The following CYFIP1 variants were observed in gnomAD, a reference collection of about 807,000 sequenced individuals.
CYFIP1 encodes cytoplasmic FMR1-interacting protein 1.
Under a neutral mutation model 163.5 loss-of-function variants are expected in CYFIP1, and 58 were observed. The ratio of observed to expected loss-of-function variants is 0.35; its 90% CI spans 0.29 to 0.44. CYFIP1 has a LOEUF of 0.44. Among genes scored for constraint, CYFIP1 ranks in the 20% least tolerant of loss-of-function variants. The probability of loss-of-function intolerance (pLI) is 1.00; values close to 1 mark genes in which losing one functional copy is unlikely to be tolerated. For synonymous variants in CYFIP1, 663 were observed against 660.7 expected (o/e 1.00, Z -0.05); for missense variants, 1,338 against 1,653.8 (o/e 0.81, Z 3.31).
chr15:22,889,637 C>G (rs1037435732), intron 23 of CYFIP1, among the ~76,000 whole-genome samples: 1 of 152,188 alleles, frequency 6.6e-6, no homozygotes, highest in Non-Finnish European at 1.5e-5. Context: ...GCCTACCCCC[C>G]GCCTGCCTCC....
intron 25 of CYFIP1, among the ~76,000 whole-genome samples, chr15:22,881,280 CAGG>C (rs2059753716): frequency 6.6e-6 from 1 of 152,216 alleles, no homozygotes; most frequent in South Asian, 2.1e-4. Context: ...AAAACTCGGC[CAGG>C]TAAGAGACTA....
At chr15:22,966,879 T>C (rs1466666175) in intron 1 of CYFIP1, among the ~76,000 whole-genome samples, 1 of 152,096 alleles carries the variant, frequency 6.6e-6, no homozygotes, top group African/African-American at 2.4e-5. Context: ...TAGCATCTGG[T>C]GCACACACTG....
chr15:22,912,230 G>A lies in CYFIP1; in HGVS notation c.2031C>T (p.Tyr677=), dbSNP rs374807488. 65 of 1,614,024 alleles carry A rather than the reference G, an allele frequency of 4.0e-5. 2 individuals are homozygous for A. The African/African-American group carries it at 4.9e-4, about 12-fold the overall frequency. The change falls in exon 18 of 31, where the codon TAC becomes TAT. Residue 677 remains tyrosine, a synonymous_variant. Coordinates refer to ENST00000617928, the MANE Select transcript of CYFIP1 (RefSeq NM_014608.6). The part of the protein sequence containing the change: ...SLDLYNDSAH[Y]ALTRFNKQFL... Reference sequence around the variant, plus strand: ...ACTGCTTGTTGAACCTGGTGAGCGCGTAGTGGGCGCTGTCATTGTACAGGT... The same window carrying A: ...ACTGCTTGTTGAACCTGGTGAGCGCATAGTGGGCGCTGTCATTGTACAGGT...
chr15:22,877,718 C>T (rs1048875695), intron 26 of CYFIP1, among the ~76,000 whole-genome samples: 2 of 152,168 alleles, frequency 1.3e-5, no homozygotes, highest in African/African-American at 4.8e-5. Context: ...GGAGATGCTA[C>T]TTGGGGTCCC....
Position 22,979,065 on chromosome 15 carries a change from CTT to C in CYFIP1, c.-7+1220_-7+1221del, listed in dbSNP as rs561976967. The stretch of plus-strand genomic sequence containing the variant: ...CTTTGAGCGCAGCACAGACACCTGT[CTT>C]AACGCAGGAAACGTCCTCCGCCACG... On this transcript the variant is annotated intron_variant, in intron 1 of 30. Transcript: ENST00000617928. Among the ~76,000 whole-genome samples, 50 of 152,304 alleles carry C rather than the reference CTT, an allele frequency of 3.3e-4. No individual in the cohort carries two copies. The South Asian group carries it at 6.0e-3, about 18-fold the overall frequency.
chr15:22,883,581 G>T (rs1452469897), intron 23 of CYFIP1, among the ~76,000 whole-genome samples: 8 of 152,172 alleles, frequency 5.3e-5, no homozygotes, highest in African/African-American at 9.7e-5. Flanking sequence ...CCTTTGGGAG[G>T]CCGAGGTGGG....
chr15:22,897,899 G>A (rs1481664728), intron 22 of CYFIP1, among the ~76,000 whole-genome samples: 1 of 152,176 alleles, frequency 6.6e-6, no homozygotes, highest in Non-Finnish European at 1.5e-5. Context: ...TAGTATTCAA[G>A]CAAAGGCTAT....
intron 1 of CYFIP1, among the ~76,000 whole-genome samples, chr15:22,966,708 T>C (rs2062921379): frequency 1.3e-5 from 2 of 151,902 alleles, no homozygotes; most frequent in Admixed American, 6.6e-5. Flanking sequence ...CCTGAAGATT[T>C]CTCAACTAAG....
At chr15:22,957,059 G>A (rs903606819) in intron 1 of CYFIP1, among the ~76,000 whole-genome samples, 15 of 152,246 alleles carry the variant, frequency 9.9e-5, no homozygotes, top group Non-Finnish European at 2.2e-4. Context: ...ATGCAGAAGC[G>A]AAGGCGTCGG....
chr15:22,875,097 A>G (rs2059544496), intron 27 of CYFIP1, 102 bp downstream of exon 27: 1 of 1,118,156 alleles, frequency 8.9e-7, no homozygotes, highest in African/African-American at 1.5e-5. Flanking sequence ...ACAGGCGCCA[A>G]ACCCACAATC....
rs1002756875 is a variant in CYFIP1 at position 22,886,046 on chromosome 15, C to T, written c.2677-3035G>A. 1.5e-4 allele frequency among the ~76,000 whole-genome samples: 23 copies of T among 152,164 alleles called. 1 individual carries two copies. The East Asian group carries it at 3.3e-3, about 22-fold the overall frequency. ...AGGCCTCAGAAAACTTCAATCATGG[C>T]GGAAGGTGAAGGGGGAGCAGGCACC... is the stretch of plus-strand genomic sequence containing the variant. On this transcript the variant is annotated intron_variant, in intron 23 of 30. Coordinates refer to ENST00000617928, the MANE Select transcript of CYFIP1 (RefSeq NM_014608.6).
At position 22,896,729 on chromosome 15, in the gene CYFIP1, G is replaced by T. The variant is rs571097665; in HGVS notation, c.2589-3752C>A. ...TGAATCCTTGAGCACATGCATAGTC[G>T]CTGCCTTAACATCCTTGTCTGCGAA... is the stretch of plus-strand genomic sequence containing the variant. On this transcript the variant is annotated intron_variant, in intron 22 of 30. Coordinates refer to ENST00000617928, the MANE Select transcript of CYFIP1 (RefSeq NM_014608.6). 3.9e-5 allele frequency among the ~76,000 whole-genome samples: 6 copies of T among 152,180 alleles called. No individual in the cohort carries two copies. In the South Asian group the frequency reaches 1.2e-3, roughly 32 times the overall value.
chr15:22,957,439 A>G (rs1361957855), intron 1 of CYFIP1, among the ~76,000 whole-genome samples: 1 of 152,162 alleles, frequency 6.6e-6, no homozygotes, highest in East Asian at 1.9e-4. Context: ...GATCAAGACC[A>G]TCCTAGCTAA....
At position 22,867,754 on chromosome 15, in the gene CYFIP1, AAACTT is replaced by A. The variant is rs1438301741; in HGVS notation, c.*2269_*2273del. On this transcript the variant is annotated 3_prime_UTR_variant, in exon 31 of 31. Coordinates refer to ENST00000617928, the MANE Select transcript of CYFIP1 (RefSeq NM_014608.6). The stretch of plus-strand genomic sequence containing the variant: ...TTCTAAAAGTCTGAATGCTTAGAAC[AAACTT>A]AACATGTTTATAGAATATGGTCTCT... The A allele has an allele frequency of 6.6e-6, 1 of 152,136 alleles. No homozygotes were observed. Among genetic ancestry groups the A allele is most frequent in the African/African-American group, 2.4e-5 (1 of 41,340 alleles). 9.4% of individuals were successfully genotyped at this position (152,136 alleles called of 1,614,324 possible).
chr15:22,932,198 T>C (rs2061560420), intron 11 of CYFIP1, 25 bp downstream of exon 11: 2 of 1,573,722 alleles, frequency 1.3e-6, no homozygotes, highest in Non-Finnish European at 1.7e-6. Flanking sequence ...CGGGTGCCTG[T>C]GCAGCTCCAG....
At chr15:22,892,795 C>T in intron 23 of CYFIP1, 95 bp downstream of exon 23, 3 of 847,508 alleles carry the variant, frequency 3.5e-6, no homozygotes, top group Non-Finnish European at 5.9e-6. Context: ...CAGCGTGATA[C>T]ATTTAGGTCA....
chr15:22,909,238 G>T lies in CYFIP1; in HGVS notation c.2344C>A (p.Leu782Met), dbSNP rs915248456. The part of the protein sequence containing the change: ...VSAAMYKSLE[L>M]AIGRFESEDL... ...TCACTTTCAAATCGTCCAATCGCCA[G>T]TTCTAGGGACTTATACATGGCTGCT... The change falls in exon 21 of 31, where the codon CTG (leucine) becomes ATG (methionine). Residue 782 changes from leucine (L) to methionine (M), a missense_variant. By Grantham distance (15) the Leu-to-Met change is conservative (BLOSUM62 2). Transcript: ENST00000617928. 13 of 1,614,194 alleles carry T rather than the reference G, an allele frequency of 8.1e-6. No individual in the cohort carries two copies. The highest frequency in any genetic ancestry group is 1.1e-5 in the Non-Finnish European group (13 of 1,180,030).
rs757076099 is a variant in CYFIP1, at chr15:22,874,586, A to G, written c.3174T>C (p.His1058=). 1.2e-6 allele frequency: 2 copies of G among 1,608,050 alleles called. No individual in the cohort carries two copies. Among genetic ancestry groups the G allele is most frequent in the Non-Finnish European group, 1.7e-6 (2 of 1,177,818 alleles). ...CCAGTCTTTCAATCAGTGGGACAAG[A>G]TGCAGCGGGGCGTACTTTGATTCTA... ...KRLESKYAPL[H]LVPLIERLGT... Residue 1058 remains histidine (H), a synonymous_variant, in exon 28 of 31, where the codon CAT becomes CAC. Transcript: ENST00000617928.
At chr15:22,939,577 A>C in intron 6 of CYFIP1, 70 bp from the exon 7 acceptor site, 1 of 1,062,600 alleles carries the variant, frequency 9.4e-7, no homozygotes, top group Non-Finnish European at 1.3e-6. Flanking sequence ...AAAAAAAAAA[A>C]AAAAGCCTGG....
Sources: allele counts gnomAD v4.1 joint callset (sites outside exome capture counted in the v4.1 genomes callset), GRCh38; gene constraint gnomAD v4.1.1; transcripts MANE v1.5; gene names NCBI Gene and HGNC (gene_info 2026-07-23, HGNC 2026-07-21).